RBBP7: variants seen among roughly 807,000 people sequenced by gnomAD.
The protein encoded by RBBP7 is RB binding protein 7, chromatin remodeling factor, also known as histone-binding protein RBBP7.
In RBBP7, 5 loss-of-function variants were observed where a neutral mutation model predicts 35.2. The observed-to-expected ratio is 0.14, with a 90% CI of 0.07 to 0.30. RBBP7 has a LOEUF of 0.30. Among genes scored for constraint, RBBP7 ranks in the 10% least tolerant of loss-of-function variants. The probability of loss-of-function intolerance (pLI) is 1.00; values close to 1 mark genes in which losing one functional copy is unlikely to be tolerated. For missense variants in RBBP7, 155 were observed against 327.5 expected (o/e 0.47, Z 4.07); for synonymous variants, 140 against 118.7 (o/e 1.18, Z -1.17).
intron 10 of RBBP7, chrX:16,848,687 A>G (rs1930143524): frequency 8.9e-6 from 1 of 111,746 alleles, no homozygotes; most frequent in Non-Finnish European, 1.9e-5. Flanking sequence ...AAATCCGGCA[A>G]TGCTTCATAG....
At chrX:16,850,555 C>CA (rs1313500407) in intron 9 of RBBP7, among the ~76,000 whole-genome samples, 2 of 112,586 alleles carry the variant, frequency 1.8e-5, no homozygotes, top group African/African-American at 6.5e-5. Context: ...ACAATGCCCC[C>CA]AACTGTCTGC....
intron 6 of RBBP7, 53 bp downstream of exon 6, chrX:16,853,629 A>G: frequency 1.9e-6 from 2 of 1,033,077 alleles, no homozygotes; most frequent in East Asian, 7.0e-5. Flanking sequence ...GCAATCACTG[A>G]TGGTCATTCA....
chrX:16,854,607 C>T (rs1930300319), intron 5 of RBBP7, among the ~76,000 whole-genome samples: 1 of 111,263 alleles, frequency 9.0e-6, no homozygotes, highest in East Asian at 2.8e-4. Flanking sequence ...TCTTTCACTT[C>T]ATGGCAGAAA....
At chrX:16,866,523 C>CAAAAAA (rs55729039) in intron 2 of RBBP7, among the ~76,000 whole-genome samples, 13 of 32,593 alleles carry the variant, frequency 4.0e-4, no homozygotes, top group African/African-American at 7.0e-4. Flanking sequence ...GAGACTGTCT[C>CAAAAAA]AAAAAAAAAA....
intron 5 of RBBP7, among the ~76,000 whole-genome samples, chrX:16,855,081 A>T (rs1367206044): frequency 9.6e-5 from 9 of 93,837 alleles, no homozygotes; most frequent in African/African-American, 3.7e-4. Flanking sequence ...ACGGAGTCTC[A>T]CTCTCTTGCC....
intron 8 of RBBP7, 43 bp downstream of exon 8, chrX:16,852,508 A>T (rs1254014382): frequency 8.5e-7 from 1 of 1,173,642 alleles, no homozygotes; most frequent in African/African-American, 1.8e-5. Context: ...GAATCCCTGG[A>T]TTTCATTTCC....
At chrX:16,865,182 C>A (rs1007273272) in intron 2 of RBBP7, among the ~76,000 whole-genome samples, 1 of 108,869 alleles carries the variant, frequency 9.2e-6, no homozygotes, top group African/African-American at 3.3e-5. Flanking sequence ...CCCAGGACTT[C>A]GAGACCAGCC....
chrX:16,847,026 G>A (rs1930095930), intron 10 of RBBP7: 1 of 111,317 alleles, frequency 9.0e-6, no homozygotes, highest in African/African-American at 3.3e-5. Context: ...CTACTCAGGA[G>A]GCTGAGATGG....
intron 3 of RBBP7, among the ~76,000 whole-genome samples, chrX:16,860,895 C>T (rs944443036): frequency 5.4e-5 from 6 of 111,245 alleles, no homozygotes; most frequent in Non-Finnish European, 9.4e-5. Flanking sequence ...ATATTCAGGC[C>T]GGGAGTGGTG....
At chrX:16,868,026 T>C (rs1930669657) in intron 2 of RBBP7, among the ~76,000 whole-genome samples, 1 of 112,071 alleles carries the variant, frequency 8.9e-6, no homozygotes, top group African/African-American at 3.2e-5. Context: ...CAAAATCCTC[T>C]TTTTAGGTTA....
At chrX:16,846,108 C>T (rs1028657070) in intron 10 of RBBP7, 170 bp from the exon 11 acceptor site, 2 of 816,061 alleles carry the variant, frequency 2.5e-6, no homozygotes, top group Non-Finnish European at 3.3e-6. Context: ...TGCAAATTTC[C>T]AAACCTCCAG....
chrX:16,869,423 CT>C (rs1056899946), intron 1 of RBBP7: 2 of 1,119,524 alleles, frequency 1.8e-6, no homozygotes, highest in African/African-American at 3.6e-5. Context: ...TCAATACCCC[CT>C]GCGTACACCA....
At chrX:16,868,976 G>C (rs1256350870) in intron 2 of RBBP7, 100 bp downstream of exon 2, 1 of 917,554 alleles carries the variant, frequency 1.1e-6, no homozygotes, top group African/African-American at 2.0e-5. Flanking sequence ...TCATGCAAGG[G>C]CTGATTACAT....
intron 2 of RBBP7, among the ~76,000 whole-genome samples, chrX:16,868,683 GTGTT>G (rs768578759): frequency 1.4e-4 from 16 of 112,495 alleles, no homozygotes; most frequent in African/African-American, 4.2e-4. Flanking sequence ...ACTGTTACGT[GTGTT>G]CACTTTGTAA....
At chrX:16,850,942 A>C (rs887336799) in intron 9 of RBBP7, among the ~76,000 whole-genome samples, 3 of 110,574 alleles carry the variant, frequency 2.7e-5, no homozygotes, top group Admixed American at 1.9e-4. Flanking sequence ...TTATTTATTT[A>C]TTTTTTTAGT....
chrX:16,868,911 C>G (rs1229390503), intron 2 of RBBP7, among the ~76,000 whole-genome samples, 165 bp downstream of exon 2: 1 of 112,205 alleles, frequency 8.9e-6, no homozygotes, highest in African/African-American at 3.2e-5. Flanking sequence ...ACACTATACA[C>G]CAGAAATCAT....
At chrX:16,865,292 T>C (rs1930587850) in intron 2 of RBBP7, among the ~76,000 whole-genome samples, 1 of 110,932 alleles carries the variant, frequency 9.0e-6, no homozygotes, top group African/African-American at 3.3e-5. Flanking sequence ...TAATAATGCT[T>C]GAGAGAAAGA....
At chrX:16,860,449 G>GAAGTTT in intron 3 of RBBP7, among the ~76,000 whole-genome samples, 1 of 111,117 alleles carries the variant, frequency 9.0e-6, no homozygotes, top group Non-Finnish European at 1.9e-5. Context: ...GGCACTTTGG[G>GAAGTTT]AGGCCAAGGC....
At chrX:16,849,151 A>G in intron 10 of RBBP7, 93 bp downstream of exon 10, 1 of 847,664 alleles carries the variant, frequency 1.2e-6, no homozygotes, top group Non-Finnish European at 1.7e-6. Context: ...TGCAAGAGCT[A>G]GAATTCGAAG....
Sources: gnomAD v4.1 joint callset for allele counts (sites outside exome capture counted in the v4.1 genomes callset) on GRCh38, gnomAD v4.1.1 for gene constraint, MANE v1.5 for transcripts, NCBI Gene and HGNC (gene_info 2026-07-23, HGNC 2026-07-21) for gene names.